The following PLCB4 variants were observed in gnomAD, a reference collection of about 807,000 sequenced individuals.
The protein encoded by PLCB4 is 1-phosphatidylinositol 4,5-bisphosphate phosphodiesterase beta-4.
A neutral mutation model predicts 178.8 loss-of-function variants in PLCB4; 77 were observed. The observed-to-expected ratio is 0.43, with a 90% CI of 0.36 to 0.52. The LOEUF (loss-of-function observed/expected upper bound fraction) is 0.52. Ranked by LOEUF, PLCB4 falls within the 20% of genes least tolerant of loss-of-function variation. The pLI, the probability that PLCB4 is intolerant of heterozygous loss-of-function variation, is 0.00. For missense variants in PLCB4, 1,024 were observed against 1,453.4 expected, an observed-to-expected ratio of 0.70 and a Z score of 4.80; for synonymous variants, 496 against 490.8, an observed-to-expected ratio of 1.01 and a Z score of -0.14.
At chr20:9,221,472 G>T (rs1285942279) in intron 3 of PLCB4, among the ~76,000 whole-genome samples, 1 of 152,212 alleles carries the variant, frequency 6.6e-6, no homozygotes, top group East Asian at 1.9e-4. Context: ...GGGACCCAGT[G>T]TTATCTGGGC....
At chr20:9,312,968 A>G (rs1298095250) in intron 4 of PLCB4, among the ~76,000 whole-genome samples, 1 of 152,228 alleles carries the variant, frequency 6.6e-6, no homozygotes, top group Non-Finnish European at 1.5e-5. Context: ...TCTATGTCCC[A>G]AACAACAGTA....
chr20:9,380,750 A>T (rs778900468), intron 13 of PLCB4, among the ~76,000 whole-genome samples: 2 of 152,178 alleles, frequency 1.3e-5, no homozygotes, highest in Non-Finnish European at 1.5e-5. Flanking sequence ...ATGGGGAGAA[A>T]TTTTAAAATC....
chr20:9,450,403 A>T (rs1363172740), intron 32 of PLCB4, among the ~76,000 whole-genome samples: 1 of 152,162 alleles, frequency 6.6e-6, no homozygotes. Context: ...GGTGTCTGGG[A>T]ATCAAGTTAT....
At chr20:9,173,227 T>A (rs550426069) in intron 2 of PLCB4, among the ~76,000 whole-genome samples, 4 of 152,332 alleles carry the variant, frequency 2.6e-5, no homozygotes, top group African/African-American at 9.6e-5. Context: ...CATCGCATGA[T>A]TGGACCTACT....
chr20:9,216,216 G>C (rs557222545), intron 2 of PLCB4, among the ~76,000 whole-genome samples: 50 of 151,468 alleles, frequency 3.3e-4, no homozygotes, highest in Non-Finnish European at 6.2e-4. Context: ...GTTTTTGTTT[G>C]TTTGTTTGTT....
chr20:9,221,772 T>C (rs1157648672), intron 3 of PLCB4, among the ~76,000 whole-genome samples: 2 of 152,174 alleles, frequency 1.3e-5, no homozygotes, highest in Non-Finnish European at 2.9e-5. Flanking sequence ...AAGCTTTCCT[T>C]AGTAAAATCA....
At chr20:9,363,008 G>A in intron 8 of PLCB4, 33 bp downstream of exon 8, 1 of 1,463,580 alleles carries the variant, frequency 6.8e-7, no homozygotes, top group Non-Finnish European at 9.6e-7. Flanking sequence ...GTTTTTCTTG[G>A]CAGTTATCAA....
At chr20:9,451,496 C>T (rs145323980) in intron 32 of PLCB4, among the ~76,000 whole-genome samples, 8 of 152,178 alleles carry the variant, frequency 5.3e-5, no homozygotes, top group African/African-American at 1.4e-4. Flanking sequence ...GGTTAGCCAA[C>T]CATAATGATT....
chr20:9,428,342 G>C (rs1482820379), intron 28 of PLCB4, among the ~76,000 whole-genome samples: 1 of 152,146 alleles, frequency 6.6e-6, no homozygotes, highest in East Asian at 1.9e-4. Context: ...CAGACTTCAA[G>C]AAGAAAAGCT....
chr20:9,435,504 G>A (rs2041709004), intron 28 of PLCB4, 56 bp from the exon 29 acceptor site: 2 of 1,000,362 alleles, frequency 2.0e-6, no homozygotes, highest in South Asian at 2.7e-5. Flanking sequence ...GAGTTTTAAT[G>A]AATATTTTCA....
intron 3 of PLCB4, among the ~76,000 whole-genome samples, chr20:9,282,068 A>G (rs1163524628): frequency 6.6e-6 from 1 of 151,972 alleles, no homozygotes; most frequent in Non-Finnish European, 1.5e-5. Context: ...CTCTGAAGAC[A>G]GTAGGAGCTA....
At chr20:9,218,694 A>C (rs1338955597) in intron 3 of PLCB4, among the ~76,000 whole-genome samples, 4 of 152,224 alleles carry the variant, frequency 2.6e-5, no homozygotes, top group African/African-American at 9.6e-5. Flanking sequence ...GAATCGCACA[A>C]CCTGACACTT....
intron 3 of PLCB4, among the ~76,000 whole-genome samples, chr20:9,305,419 A>G (rs1364954704): frequency 6.6e-6 from 1 of 151,760 alleles, no homozygotes; most frequent in Non-Finnish European, 1.5e-5. Flanking sequence ...CCCTTCCCAA[A>G]ATGGTTTTAC....
chr20:9,388,726 T>TAC (rs113664285), intron 15 of PLCB4, among the ~76,000 whole-genome samples: 2,754 of 152,088 alleles, frequency 0.018, 85 homozygotes, highest in African/African-American at 0.06. Flanking sequence ...AAAACACACA[T>TAC]ACACACACAC....
rs201191011 is a variant in PLCB4 at position 9,419,939 on chromosome 20, T to G, written c.2154+30T>G. 2.3e-6 allele frequency: 3 copies of G among 1,315,734 alleles called. No homozygotes were observed. In the Admixed American group the frequency reaches 5.0e-5, roughly 22 times the overall value. 81.5% of individuals were successfully genotyped at this position (1,315,734 alleles called of 1,614,324 possible). ...GGCCCCTGCTCATCACAAGGTAGTA[T>G]AAATGTATACACAAGTGGTCCTTGA... is the stretch of plus-strand genomic sequence containing the variant. On this transcript the variant is annotated intron_variant, in intron 26 of 39. Transcript: ENST00000378473.
At chr20:9,375,612 A>G (rs779188720) in intron 12 of PLCB4, among the ~76,000 whole-genome samples, 9 of 152,170 alleles carry the variant, frequency 5.9e-5, no homozygotes, top group African/African-American at 9.7e-5. Context: ...TGAGTATGAT[A>G]CGATGTTTAT....
At chr20:9,132,721 A>G (rs893469523) in intron 2 of PLCB4, among the ~76,000 whole-genome samples, 4 of 152,134 alleles carry the variant, frequency 2.6e-5, no homozygotes, top group African/African-American at 9.7e-5. Context: ...CATTCTCTAC[A>G]TTGCAATCAG....
chr20:9,283,148 C>A (rs1390535902), intron 3 of PLCB4, among the ~76,000 whole-genome samples: 4 of 151,826 alleles, frequency 2.6e-5, no homozygotes, highest in South Asian at 2.1e-4. Context: ...GTAAATATAT[C>A]CCCCCAGAAG....
At chr20:9,449,786 G>A (rs576670280) in intron 32 of PLCB4, among the ~76,000 whole-genome samples, 5 of 152,216 alleles carry the variant, frequency 3.3e-5, no homozygotes, top group South Asian at 2.1e-4. Context: ...CAATTTAGCC[G>A]ACAGCACCAA....
Sources: gnomAD v4.1 joint callset for allele counts (sites outside exome capture counted in the v4.1 genomes callset) on GRCh38, gnomAD v4.1.1 for gene constraint, MANE v1.5 for transcripts, NCBI Gene and HGNC (gene_info 2026-07-23, HGNC 2026-07-21) for gene names.